CCDC91: variants seen among roughly 807,000 people sequenced by gnomAD.
The protein encoded by CCDC91 is coiled-coil domain-containing protein 91.
Under a neutral mutation model 63.2 loss-of-function variants are expected in CCDC91, and 48 were observed. The observed-to-expected ratio is 0.76, with a 90% CI of 0.60 to 0.97. The LOEUF (loss-of-function observed/expected upper bound fraction) is 0.97. Among genes scored for constraint, CCDC91 ranks in the 50% least tolerant of loss-of-function variants. CCDC91 has a pLI of 0.00. For missense variants in CCDC91, 500 were observed against 494.6 expected (o/e 1.01, Z -0.10); for synonymous variants, 167 against 165.8 (o/e 1.01, Z -0.06).
chr12:28,295,531 T>C (rs971907418), intron 3 of CCDC91, among the ~76,000 whole-genome samples: 1 of 152,058 alleles, frequency 6.6e-6, no homozygotes, highest in African/African-American at 2.4e-5. Flanking sequence ...ATAATTTATT[T>C]ATTTTTTATT....
chr12:28,405,064 G>A (rs533838811), intron 8 of CCDC91, among the ~76,000 whole-genome samples: 1 of 150,612 alleles, frequency 6.6e-6, no homozygotes, highest in Non-Finnish European at 1.5e-5. Flanking sequence ...TCTATTTGTT[G>A]CTCTTTTTTT....
intron 11 of CCDC91, among the ~76,000 whole-genome samples, chr12:28,473,966 A>C (rs1274656939): frequency 7.8e-6 from 1 of 128,972 alleles, no homozygotes; most frequent in Non-Finnish European, 1.7e-5. Context: ...TGTAGTGTGC[A>C]TGTGTGTTTG....
intron 11 of CCDC91, among the ~76,000 whole-genome samples, chr12:28,459,348 A>C (rs1277540649): frequency 6.6e-6 from 1 of 152,154 alleles, no homozygotes; most frequent in Non-Finnish European, 1.5e-5. Flanking sequence ...GAGCACCTTG[A>C]AAGGAGGAGC....
chr12:28,266,348 T>C (rs1592143793), intron 3 of CCDC91, among the ~76,000 whole-genome samples: 1 of 152,134 alleles, frequency 6.6e-6, no homozygotes, highest in East Asian at 1.9e-4. Context: ...AATTAGCAAA[T>C]CTATAAATTG....
chr12:28,265,752 A>G (rs1947144322), intron 3 of CCDC91, among the ~76,000 whole-genome samples: 1 of 152,072 alleles, frequency 6.6e-6, no homozygotes, highest in Non-Finnish European at 1.5e-5. Flanking sequence ...GTTTGTACCT[A>G]GTAATAATGA....
At chr12:28,251,490 T>C (rs1187891461) in intron 1 of CCDC91, among the ~76,000 whole-genome samples, 1 of 151,978 alleles carries the variant, frequency 6.6e-6, no homozygotes, top group East Asian at 1.9e-4. Context: ...CTTTCTTGAG[T>C]TTTTCTCAGA....
chr12:28,493,772 G>A (rs993945758), intron 12 of CCDC91, among the ~76,000 whole-genome samples: 2 of 151,542 alleles, frequency 1.3e-5, no homozygotes, highest in South Asian at 2.1e-4. Context: ...AAACAAAAAT[G>A]TGCTCACTCA....
Position 28,271,864 on chromosome 12 carries a change from A to C in CCDC91, c.109+12422A>C, listed in dbSNP as rs574891251. Among the ~76,000 whole-genome samples, 5 of 149,750 alleles carry C rather than the reference A, an allele frequency of 3.3e-5. No individual in the cohort carries two copies. The East Asian group carries it at 9.7e-4, about 29-fold the overall frequency. ...GTATATATATAAGTATTGTATATGC[A>C]TATGAAATACATACTCAATACATAA... On this transcript the variant is annotated intron_variant, in intron 3 of 12. Transcript: ENST00000536442.
At chr12:28,541,326 A>ACTC (rs34641305) in intron 12 of CCDC91, among the ~76,000 whole-genome samples, 113,114 of 151,668 alleles carry the variant, frequency 0.75, 42,661 homozygotes, top group African/African-American at 0.82. Flanking sequence ...TGTGCAAAGA[A>ACTC]AAGAATAAGA....
intron 6 of CCDC91, among the ~76,000 whole-genome samples, chr12:28,311,318 A>T (rs891973766): frequency 6.6e-6 from 1 of 152,048 alleles, no homozygotes; most frequent in African/African-American, 2.4e-5. Flanking sequence ...CTGGATAGTT[A>T]TAAAAGTTCT....
At chr12:28,327,666 T>C (rs1202947542) in intron 6 of CCDC91, among the ~76,000 whole-genome samples, 1 of 152,160 alleles carries the variant, frequency 6.6e-6, no homozygotes, top group Non-Finnish European at 1.5e-5. Flanking sequence ...AACCCACTTC[T>C]TGTGTGTCCA....
chr12:28,362,359 C>G lies in CCDC91; in HGVS notation c.577-79C>G, dbSNP rs1943953952. The G allele has an allele frequency of 4.3e-6, 4 of 927,342 alleles. No homozygotes were observed. In the Admixed American group the frequency reaches 1.0e-4, roughly 24 times the overall value. The allele number at this position is 927,342 out of a possible 1,614,324, so 57.4% of individuals were successfully genotyped here. On this transcript the variant is annotated intron_variant, in intron 6 of 12. Coordinates refer to ENST00000536442, the MANE Select transcript of CCDC91 (RefSeq NM_018318.5). ...CAAACCACTGAATCATTCGTGGAAG[C>G]AGCAAAAGTCTATGGTTTTATTATT...
At chr12:28,477,788 CA>C (rs1333995187) in intron 11 of CCDC91, among the ~76,000 whole-genome samples, 17 of 152,198 alleles carry the variant, frequency 1.1e-4, no homozygotes, top group African/African-American at 4.1e-4. Context: ...AATCAATGTG[CA>C]AAAATCACAA....
At chr12:28,473,316 T>TAGA (rs1950915631) in intron 11 of CCDC91, among the ~76,000 whole-genome samples, 2 of 152,146 alleles carry the variant, frequency 1.3e-5, no homozygotes, top group South Asian at 4.1e-4. Flanking sequence ...CAGAAATTAA[T>TAGA]AGAACTGACA....
At chr12:28,390,308 T>C (rs1483856026) in intron 7 of CCDC91, among the ~76,000 whole-genome samples, 5 of 152,128 alleles carry the variant, frequency 3.3e-5, no homozygotes, top group Admixed American at 6.6e-5. Context: ...GATTTTTTTT[T>C]TCTTGGTGAA....
At position 28,305,686 on chromosome 12, in the gene CCDC91, T is replaced by C; in HGVS notation, c.147T>C (p.Ile49=). The C allele has an allele frequency of 1.9e-6, 3 of 1,612,862 alleles. 1 individual carries two copies. In the South Asian group the frequency reaches 3.3e-5, roughly 18 times the overall value. Residue 49 remains isoleucine (I), a synonymous_variant, in exon 4 of 13, where the codon ATT becomes ATC. Transcript: ENST00000536442. The stretch of plus-strand genomic sequence containing the variant: ...ATCTTTCACCATCTTCTCCTGAGAT[T>C]GTACTGGACCGTGACCACTCTTCTT... ...GVHLSPSSPE[I]VLDRDHSSSI...
chr12:28,407,946 A>G (rs1947056052), intron 8 of CCDC91, among the ~76,000 whole-genome samples: 1 of 31,306 alleles, frequency 3.2e-5, no homozygotes, highest in Non-Finnish European at 2.2e-4. Context: ...ATACATAGAT[A>G]TATACATATA....
At chr12:28,316,754 G>A (rs1262817433) in intron 6 of CCDC91, among the ~76,000 whole-genome samples, 2 of 149,490 alleles carry the variant, frequency 1.3e-5, no homozygotes, top group African/African-American at 2.5e-5. Context: ...TTAAAATTCT[G>A]TGTTTTTGTC....
intron 1 of CCDC91, among the ~76,000 whole-genome samples, chr12:28,213,375 T>A (rs926344213): frequency 6.6e-6 from 1 of 152,224 alleles, no homozygotes; most frequent in Non-Finnish European, 1.5e-5. Context: ...AAATAAATGC[T>A]TAAGTTTTCT....
Sources: allele counts gnomAD v4.1 joint callset (sites outside exome capture counted in the v4.1 genomes callset), GRCh38; gene constraint gnomAD v4.1.1; transcripts MANE v1.5; gene names NCBI Gene and HGNC (gene_info 2026-07-23, HGNC 2026-07-21).